The following ALK variants were observed in gnomAD, a reference collection of about 807,000 sequenced individuals.
The protein encoded by ALK is ALK receptor tyrosine kinase, also known as ALK tyrosine kinase receptor.
ALK carries 74 observed loss-of-function variants against 163.1 expected under a neutral mutation model. That is an observed-to-expected ratio of 0.45 (90% confidence interval 0.38 to 0.55). The LOEUF is 0.55. Ranked by LOEUF, ALK falls within the 20% of genes least tolerant of loss-of-function variation. The probability of loss-of-function intolerance (pLI) is 0.00; values close to 1 mark genes in which losing one functional copy is unlikely to be tolerated. For missense variants in ALK, 2,063 were observed against 2,105.3 expected, an observed-to-expected ratio of 0.98 and a Z score of 0.39; for synonymous variants, 960 against 843.2, an observed-to-expected ratio of 1.14 and a Z score of -2.40.
chr2:29,563,799 C>A (rs1278676822), intron 3 of ALK, among the ~76,000 whole-genome samples: 1 of 152,176 alleles, frequency 6.6e-6, no homozygotes, highest in Non-Finnish European at 1.5e-5. Flanking sequence ...ATAGTCCCTT[C>A]CTAAAACTAG....
intron 1 of ALK, among the ~76,000 whole-genome samples, chr2:29,848,568 T>C (rs1237421779): frequency 6.6e-6 from 1 of 152,164 alleles, no homozygotes; most frequent in Non-Finnish European, 1.5e-5. Context: ...CCTTAATAAA[T>C]GTTAATGAAT....
intron 3 of ALK, among the ~76,000 whole-genome samples, chr2:29,606,835 C>T (rs1361157660): frequency 6.6e-6 from 1 of 152,198 alleles, no homozygotes; most frequent in East Asian, 1.9e-4. Context: ...TCACTCTTTC[C>T]TGTATTGTAT....
intron 23 of ALK, 140 bp from the exon 24 acceptor site, chr2:29,214,221 A>G (rs1669540852): frequency 2.8e-6 from 2 of 720,770 alleles, no homozygotes; most frequent in Non-Finnish European, 2.4e-6. Flanking sequence ...CTGGCTGCAC[A>G]TTAGAAATCA....
intron 4 of ALK, among the ~76,000 whole-genome samples, chr2:29,441,409 G>A (rs1210186145): frequency 2.0e-5 from 3 of 152,204 alleles, no homozygotes; most frequent in Non-Finnish European, 4.4e-5. Context: ...CCTGGCTGGG[G>A]GACATGTAGG....
At chr2:29,635,528 G>A (rs1030970223) in intron 3 of ALK, among the ~76,000 whole-genome samples, 2 of 152,166 alleles carry the variant, frequency 1.3e-5, no homozygotes, top group South Asian at 2.1e-4. Flanking sequence ...AATTCTCCCC[G>A]AGAGCCTCTT....
intron 4 of ALK, among the ~76,000 whole-genome samples, chr2:29,414,852 T>C (rs1265595308): frequency 6.6e-6 from 1 of 152,128 alleles, no homozygotes; most frequent in Admixed American, 6.5e-5. Context: ...TTCCAGGCTG[T>C]TTTGAGACAA....
chr2:29,888,756 A>G (rs1396865587), intron 1 of ALK, among the ~76,000 whole-genome samples: 2 of 152,200 alleles, frequency 1.3e-5, no homozygotes, highest in Non-Finnish European at 2.9e-5. Flanking sequence ...AAATTTTTGC[A>G]TCTTTTACAT....
At chr2:29,699,393 C>G (rs1288085762) in intron 2 of ALK, among the ~76,000 whole-genome samples, 1 of 152,114 alleles carries the variant, frequency 6.6e-6, no homozygotes, top group Non-Finnish European at 1.5e-5. Context: ...TTTCTTGCCC[C>G]CAAATGAAAG....
chr2:29,308,060 GTCTTT>G (rs1350944456), intron 8 of ALK, among the ~76,000 whole-genome samples: 3 of 151,318 alleles, frequency 2.0e-5, no homozygotes, highest in Non-Finnish European at 4.4e-5. Flanking sequence ...TTCTTCTGTG[GTCTTT>G]TCTTTCTTTT....
intron 1 of ALK, among the ~76,000 whole-genome samples, chr2:29,826,448 TAAAA>T (rs397959887): frequency 7.1e-6 from 1 of 140,076 alleles, no homozygotes. Context: ...CCAGTTGATT[TAAAA>T]AAAAAAAAAA....
chr2:29,714,568 G>A (rs1241177681), intron 2 of ALK, among the ~76,000 whole-genome samples: 1 of 152,166 alleles, frequency 6.6e-6, no homozygotes, highest in Non-Finnish European at 1.5e-5. Context: ...CCTGCGGTCA[G>A]GTTGTTGATG....
intron 1 of ALK, among the ~76,000 whole-genome samples, chr2:29,853,155 T>C (rs1666048582): frequency 6.6e-6 from 1 of 152,214 alleles, no homozygotes; most frequent in African/African-American, 2.4e-5. Flanking sequence ...AGCAGCCTTA[T>C]TGATTTAGGC....
chr2:29,627,223 T>C (rs1336964874), intron 3 of ALK, among the ~76,000 whole-genome samples: 1 of 152,124 alleles, frequency 6.6e-6, no homozygotes, highest in Non-Finnish European at 1.5e-5. Context: ...ATTTCTCTCT[T>C]GTCCAATTAA....
chr2:29,723,014 A>G (rs796665001), intron 1 of ALK, among the ~76,000 whole-genome samples: 19 of 152,068 alleles, frequency 1.2e-4, no homozygotes, highest in African/African-American at 4.6e-4. Context: ...CCCATCTCGC[A>G]TCTCTCCATT....
intron 1 of ALK, among the ~76,000 whole-genome samples, chr2:29,765,400 C>T (rs925832440): frequency 6.6e-6 from 1 of 152,156 alleles, no homozygotes; most frequent in South Asian, 2.1e-4. Context: ...ATTAAGTGAT[C>T]TCCTAATTGA....
At chr2:29,298,256 C>A (rs1447118199) in intron 8 of ALK, among the ~76,000 whole-genome samples, 1 of 152,198 alleles carries the variant, frequency 6.6e-6, no homozygotes, top group Non-Finnish European at 1.5e-5. Flanking sequence ...ACACCTTTCC[C>A]ATTTCTCCAT....
At chr2:29,585,730 C>G (rs1335377322) in intron 3 of ALK, among the ~76,000 whole-genome samples, 3 of 151,846 alleles carry the variant, frequency 2.0e-5, no homozygotes, top group Non-Finnish European at 4.4e-5. Flanking sequence ...ATTAAATATT[C>G]TCTATATTTA....
chr2:29,423,645 A>C (rs953423177), intron 4 of ALK, among the ~76,000 whole-genome samples: 2 of 152,238 alleles, frequency 1.3e-5, no homozygotes, highest in South Asian at 2.1e-4. Flanking sequence ...AAAAATGTAC[A>C]TTGCAGAGGA....
intron 5 of ALK, among the ~76,000 whole-genome samples, chr2:29,351,918 C>T (rs7601167): frequency 0.88 from 133,904 of 152,018 alleles, 59,104 homozygotes; most frequent in East Asian, 1. Context: ...TTTGGGGGTC[C>T]CTGCAGCTCT....
Sources: gnomAD v4.1 joint callset for allele counts (sites outside exome capture counted in the v4.1 genomes callset) on GRCh38, gnomAD v4.1.1 for gene constraint, MANE v1.5 for transcripts, NCBI Gene and HGNC (gene_info 2026-07-23, HGNC 2026-07-21) for gene names.